The following LYST variants were observed in gnomAD, a reference collection of about 807,000 sequenced individuals.
LYST encodes the protein lysosomal trafficking regulator.
A neutral mutation model predicts 413.6 loss-of-function variants in LYST; 192 were observed. The ratio of observed to expected loss-of-function variants is 0.46; its 90% CI spans 0.41 to 0.52. LYST has a LOEUF of 0.52. Among genes scored for constraint, LYST ranks in the 20% least tolerant of loss-of-function variants. The pLI, the probability that LYST is intolerant of heterozygous loss-of-function variation, is 0.00. For synonymous variants in LYST, 1,525 were observed against 1,567.3 expected, an observed-to-expected ratio of 0.97 and a Z score of 0.64; for missense variants, 3,815 against 4,499.9, an observed-to-expected ratio of 0.85 and a Z score of 4.35.
chr1:235,802,235 A>G (rs557006648), intron 8 of LYST, among the ~76,000 whole-genome samples: 1 of 146,944 alleles, frequency 6.8e-6, no homozygotes, highest in Admixed American at 6.8e-5. Flanking sequence ...CAGTACTGGG[A>G]CACTCACAAG....
chr1:235,767,639 T>G (rs1162383809), intron 20 of LYST, among the ~76,000 whole-genome samples: 1 of 152,106 alleles, frequency 6.6e-6, no homozygotes, highest in Non-Finnish European at 1.5e-5. Flanking sequence ...TCTATTTTAT[T>G]ATTTTTTTAA....
chr1:235,810,290 G>A lies in LYST; in HGVS notation c.528C>T (p.Gly176=). The change falls in exon 5 of 53, where the codon GGC becomes GGT. Residue 176 remains glycine, a synonymous_variant. Transcript: ENST00000389793. ...SDSEANSDEK[G]IAMNKHRRPH... ...GCCTTCTATGCTTATTCATTGCTAT[G>A]CCTTTTTCATCTGAATTGGCTTCTG... 6.2e-7 allele frequency: 1 copy of A among 1,614,106 alleles called. No individual in the cohort carries two copies. The highest frequency in any genetic ancestry group is 1.1e-5 in the South Asian group (1 of 91,086).
chr1:235,870,280 A>G (rs1645012801), upstream of LYST, among the ~76,000 whole-genome samples: 1 of 152,226 alleles, frequency 6.6e-6, no homozygotes, highest in Non-Finnish European at 1.5e-5. Flanking sequence ...ATCATGAGCT[A>G]TAACAAATGA....
At chr1:235,682,908 A>G (rs1317225202) in intron 48 of LYST, among the ~76,000 whole-genome samples, 1 of 152,208 alleles carries the variant, frequency 6.6e-6, no homozygotes, top group Admixed American at 6.5e-5. Context: ...AACTAAAATG[A>G]GGTTAGCGTT....
intron 1 of LYST, among the ~76,000 whole-genome samples, chr1:235,877,265 T>C (rs1167398853): frequency 6.6e-6 from 1 of 152,196 alleles, no homozygotes; most frequent in East Asian, 1.9e-4. Flanking sequence ...GAGGGGTCAC[T>C]CACTCTACCA....
chr1:235,719,868 G>GA, intron 40 of LYST, among the ~76,000 whole-genome samples: 1 of 152,018 alleles, frequency 6.6e-6, no homozygotes, highest in East Asian at 1.9e-4. Flanking sequence ...AAAATAAAGA[G>GA]AAAAAATACA....
chr1:235,816,893 G>A (rs1674174930), intron 3 of LYST, among the ~76,000 whole-genome samples: 1 of 152,164 alleles, frequency 6.6e-6, no homozygotes, highest in African/African-American at 2.4e-5. Context: ...CTTAATTAAA[G>A]AGCTTCTGCA....
chr1:235,835,464 T>G (rs888397100), intron 1 of LYST, among the ~76,000 whole-genome samples: 13 of 152,202 alleles, frequency 8.5e-5, no homozygotes, highest in Non-Finnish European at 1.6e-4. Context: ...ATCCGTCTGT[T>G]TCTCTTATCG....
chr1:235,799,600 C>T (rs960129211), intron 10 of LYST, among the ~76,000 whole-genome samples: 1 of 152,058 alleles, frequency 6.6e-6, no homozygotes, highest in Non-Finnish European at 1.5e-5. Flanking sequence ...GTAGGCTAGC[C>T]TTAATTCTCC....
At position 235,719,705 on chromosome 1, in the gene LYST, C is replaced by T. The variant is rs143599230; in HGVS notation, c.9560+956G>A. 5.3e-5 allele frequency among the ~76,000 whole-genome samples: 8 copies of T among 151,108 alleles called. No homozygotes were observed. The East Asian group carries it at 1.6e-3, about 29-fold the overall frequency. Reference sequence around the variant, plus strand: ...GATTCTTGCCAAAAAAAGAGTTGAACCTGAAACTAAGCAAGACTTTTCCAG... The same window carrying T: ...GATTCTTGCCAAAAAAAGAGTTGAATCTGAAACTAAGCAAGACTTTTCCAG... On this transcript the variant is annotated intron_variant, in intron 40 of 52. Transcript: ENST00000389793.
At chr1:235,702,480 G>C (rs1026328373) in intron 45 of LYST, among the ~76,000 whole-genome samples, 1 of 152,138 alleles carries the variant, frequency 6.6e-6, no homozygotes, top group Non-Finnish European at 1.5e-5. Context: ...CTTTCCCTGG[G>C]AATAACAATT....
chr1:235,784,595 A>C (rs3768060), intron 14 of LYST, among the ~76,000 whole-genome samples: 76,025 of 152,110 alleles, frequency 0.5, 22,469 homozygotes, highest in African/African-American at 0.82. Context: ...TGAGTTTGGG[A>C]AAGTCACTCT....
intron 1 of LYST, among the ~76,000 whole-genome samples, chr1:235,850,002 T>C (rs553571396): frequency 6.6e-6 from 1 of 151,924 alleles, no homozygotes; most frequent in Admixed American, 6.6e-5. Context: ...CCACTATCAT[T>C]CTTCACAGAA....
At chr1:235,847,626 A>T (rs1678031400) in intron 1 of LYST, among the ~76,000 whole-genome samples, 1 of 152,138 alleles carries the variant, frequency 6.6e-6, no homozygotes, top group Non-Finnish European at 1.5e-5. Flanking sequence ...ATAAGAATTC[A>T]CCAATCAACT....
At position 235,856,140 on chromosome 1, in the gene LYST, C is replaced by T. The variant is rs181822268; in HGVS notation, c.-98+10703G>A. 3.6e-4 allele frequency among the ~76,000 whole-genome samples: 54 copies of T among 152,082 alleles called. No individual in the cohort carries two copies. In the South Asian group the frequency reaches 6.0e-3, roughly 17 times the overall value. On this transcript the variant is annotated intron_variant, in intron 1 of 52. Transcript: ENST00000389793. Reference sequence around the variant, plus strand: ...CACACTGGGTAGTTTCTATCATACTCGGTAGTTTCTATCACTGTGGTCTAA... The same window carrying T: ...CACACTGGGTAGTTTCTATCATACTTGGTAGTTTCTATCACTGTGGTCTAA...
intron 20 of LYST, among the ~76,000 whole-genome samples, chr1:235,768,859 G>A (rs1410436884): frequency 3.3e-5 from 5 of 152,012 alleles, no homozygotes; most frequent in African/African-American, 1.2e-4. Flanking sequence ...GGGGCCTGAA[G>A]GATCAATCGA....
rs1178074967 is a variant in LYST at position 235,686,440 on chromosome 1, G to T, written c.10800+509C>A. 6.6e-6 allele frequency among the ~76,000 whole-genome samples: 1 copy of T among 152,164 alleles called. No homozygotes were observed. The highest frequency in any genetic ancestry group is 1.5e-5 in the Non-Finnish European group (1 of 68,020). On this transcript the variant is annotated intron_variant, in intron 48 of 52. Coordinates refer to ENST00000389793, the MANE Select transcript of LYST (RefSeq NM_000081.4). This position sits in a 1 kb window ranked among gnomAD's most constrained non-coding sequence, Gnocchi z 4.0. ...AATTAAAAGAAGCATTGCATAATCT[G>T]TCTTATTTTTTCCCGTTTTATGATT... is the stretch of plus-strand genomic sequence containing the variant.
chr1:235,881,644 C>T, intron 1 of LYST, among the ~76,000 whole-genome samples: 1 of 152,084 alleles, frequency 6.6e-6, no homozygotes, highest in East Asian at 1.9e-4. Flanking sequence ...TATATATTTA[C>T]ATACACGTAC....
intron 19 of LYST, 56 bp from the exon 20 acceptor site, chr1:235,770,353 G>C: frequency 6.5e-7 from 1 of 1,527,190 alleles, no homozygotes. Flanking sequence ...TATGCAGCAT[G>C]CTTTTTGGAA....
Sources: gnomAD v4.1 joint callset for allele counts (sites outside exome capture counted in the v4.1 genomes callset) on GRCh38, gnomAD v4.1.1 for gene constraint, Gnocchi (gnomAD v3.1) non-coding constraint, MANE v1.5 for transcripts, NCBI Gene and HGNC (gene_info 2026-07-23, HGNC 2026-07-21) for gene names.